The following ZNF625 variants were observed in gnomAD, a reference collection of about 807,000 sequenced individuals.
ZNF625 encodes the protein zinc finger protein 625.
ZNF625 carries 8 observed loss-of-function variants against 11.1 expected under a neutral mutation model. The ratio of observed to expected loss-of-function variants is 0.72; its 90% CI spans 0.42 to 1.30. ZNF625 has a LOEUF of 1.30. ZNF625 is among the 50% of genes most tolerant of loss of function. The pLI, the probability that ZNF625 is intolerant of heterozygous loss-of-function variation, is 0.01. For missense variants in ZNF625, 349 were observed against 447.6 expected, an observed-to-expected ratio of 0.78 and a Z score of 1.99; for synonymous variants, 145 against 153.4, an observed-to-expected ratio of 0.95 and a Z score of 0.41.
In ZNF625 at chr19:12,147,436, C is replaced by A. The variant is rs750256447; in HGVS notation, c.150G>T (p.Gln50His). The A allele has an allele frequency of 4.6e-6, 7 of 1,532,492 alleles. No individual in the cohort carries two copies. In the South Asian group the frequency reaches 7.4e-5, roughly 16 times the overall value. The allele number at this position is 1,532,492 out of a possible 1,614,324, so 94.9% of individuals were successfully genotyped here. A position where few individuals can be genotyped will look rare whatever the true frequency, so the allele number is the denominator to read the frequency against. The change falls in exon 3 of 4, where the codon CAG becomes CAT. Residue 50 changes from glutamine (Q) to histidine (H), a missense_variant. Transcript: ENST00000439556. ...GATTTTTGTACTCATCTTCAATTTTCTGATCTTTCCATTTTTTTCCTAAAA... is the reference window on the plus strand; with the variant it reads ...GATTTTTGTACTCATCTTCAATTTTATGATCTTTCCATTTTTTTCCTAAAA... ...LASVGKKWKD[Q>H]KIEDEYKNPR...
At position 12,145,571 on chromosome 19, in the gene ZNF625, T is replaced by C; in HGVS notation, c.845A>G (p.Lys282Arg). ...EKPYECKQCG[K>R]AFVSFNSVRY... The stretch of plus-strand genomic sequence containing the variant: ...AACGGAATTGAAAGAAACAAAGGCT[T>C]TCCCACACTGTTTACATTCATACGG... Residue 282 changes from lysine to arginine, a missense_variant, in exon 4 of 4, where the codon AAA becomes AGA. Lys to Arg is a conservative substitution (Grantham distance 26). Transcript: ENST00000439556. 1 of 1,610,276 alleles carries C rather than the reference T, an allele frequency of 6.2e-7. No individual in the cohort carries two copies. Among genetic ancestry groups the C allele is most frequent in the Non-Finnish European group, 8.5e-7 (1 of 1,176,560 alleles).
chr19:12,156,494 G>T (rs576029887), intron 1 of ZNF625, 62 bp downstream of exon 1: 8 of 1,363,276 alleles, frequency 5.9e-6, no homozygotes, highest in Non-Finnish European at 7.6e-6. Context: ...TGCTAGAGCC[G>T]GTTCGAGCCG....
chr19:12,149,166 TC>T (rs1050194428), intron 1 of ZNF625, among the ~76,000 whole-genome samples: 1 of 150,146 alleles, frequency 6.7e-6, no homozygotes, highest in African/African-American at 2.5e-5. Context: ...ATGCCTGTAA[TC>T]CCAGCTACTC....
At position 12,145,971 on chromosome 19, in the gene ZNF625, AG is replaced by A; in HGVS notation, c.444del (p.Tyr149ThrfsTer35). The A allele has an allele frequency of 6.2e-7, 1 of 1,614,184 alleles. No individual in the cohort carries two copies. The highest frequency in any genetic ancestry group is 8.5e-7 in the Non-Finnish European group (1 of 1,180,034). On this transcript the variant is annotated frameshift_variant, in exon 4 of 4. Coordinates refer to ENST00000439556, the MANE Select transcript of ZNF625 (RefSeq NM_145233.4). LOFTEE classifies it low-confidence loss of function (END_TRUNC). ...TYCKKAFSDL[P>X]YFRTHEWAHT... ...TGAGCCCATTCATGTGTTCGAAAGT[AG>A]GGGAGATCACTGAAGGCTTTCTTAC...
chr19:12,155,429 A>C (rs1977013171), intron 1 of ZNF625, among the ~76,000 whole-genome samples: 1 of 152,030 alleles, frequency 6.6e-6, no homozygotes, highest in African/African-American at 2.4e-5. Context: ...ACCCCTTTCA[A>C]ATTTTAGACA....
At chr19:12,155,690 A>G (rs919207018) in intron 1 of ZNF625, among the ~76,000 whole-genome samples, 1 of 152,180 alleles carries the variant, frequency 6.6e-6, no homozygotes, top group African/African-American at 2.4e-5. Flanking sequence ...ACATAGTTCA[A>G]GTTATTTTGC....
In ZNF625 at chr19:12,146,177, T is replaced by G. The variant is rs1288362096; in HGVS notation, c.239A>C (p.His80Pro). The G allele has an allele frequency of 6.2e-7, 1 of 1,614,098 alleles. No homozygotes were observed. The highest frequency in any genetic ancestry group is 1.3e-5 in the African/African-American group (1 of 74,942). ...TGGAACCTGGGTCAAAATTTCTCCA[T>G]GCTGATGATCTTTCTTACTTTCTAA... ...RLLESKKDHQ[H>P]GEILTQVPDD... The change falls in exon 4 of 4, where the codon CAT (histidine) becomes CCT (proline). Residue 80 changes from histidine to proline, a missense_variant. Physicochemically the swap from His to Pro is moderately conservative, Grantham distance 77. Coordinates refer to ENST00000439556, the MANE Select transcript of ZNF625 (RefSeq NM_145233.4).
chr19:12,145,518 C>T lies in ZNF625; in HGVS notation c.898G>A (p.Glu300Lys). The T allele has an allele frequency of 6.2e-7, 1 of 1,609,974 alleles. No homozygotes were observed. Among genetic ancestry groups the T allele is most frequent in the South Asian group, 1.1e-5 (1 of 90,938 alleles). Residue 300 changes from glutamate (E) to lysine (K), a missense_variant, in exon 4 of 4, where the codon GAG (glutamate) becomes AAG (lysine). Physicochemically the swap from Glu to Lys is moderately conservative, Grantham distance 56. Coordinates refer to ENST00000439556, the MANE Select transcript of ZNF625 (RefSeq NM_145233.4). ...CATTGCTTACATTCATAGGGCTTCTCTCCAGTGTGAGTTCTTTCATGATAT... is the reference window on the plus strand; with the variant it reads ...CATTGCTTACATTCATAGGGCTTCTTTCCAGTGTGAGTTCTTTCATGATAT... The part of the protein sequence containing the change: ...VRYHERTHTG[E>K]KPYECKQCGK...
Position 12,154,991 on chromosome 19 carries a change from G to A in ZNF625, c.3+1565C>T, listed in dbSNP as rs140246392. 1.2e-4 allele frequency among the ~76,000 whole-genome samples: 19 copies of A among 152,152 alleles called. No homozygotes were observed. The East Asian group carries it at 2.9e-3, about 23-fold the overall frequency. On this transcript the variant is annotated intron_variant, in intron 1 of 3. Transcript: ENST00000439556. ...AGCACTTTGGGAGGCGGAGGGAGGC[G>A]GAGGCAGGCGGATTATTTGAGGTCA...
chr19:12,152,796 C>T (rs1357579219), intron 1 of ZNF625, among the ~76,000 whole-genome samples: 1 of 151,648 alleles, frequency 6.6e-6, no homozygotes, highest in Non-Finnish European at 1.5e-5. Context: ...GGGCCGAGAT[C>T]ATGCCATTGC....
intron 3 of ZNF625, 95 bp downstream of exon 3, chr19:12,147,300 A>C: frequency 8.8e-7 from 1 of 1,142,556 alleles, no homozygotes; most frequent in East Asian, 2.6e-5. Context: ...AATACAGTGG[A>C]ACTTGGCTTA....
At chr19:12,154,098 C>T (rs956649882) in intron 1 of ZNF625, among the ~76,000 whole-genome samples, 6 of 152,234 alleles carry the variant, frequency 3.9e-5, no homozygotes, top group Admixed American at 3.3e-4. Context: ...TGAGCCACCC[C>T]GCCCAGCCCT....
Position 12,145,265 on chromosome 19 carries a change from G to A in ZNF625, c.*32C>T. Reference sequence around the variant, plus strand: ...AGGGAAACACATTTTTACCATGATTGGATTCGGTGGCTTCTAGGAATCTTA... The same window carrying A: ...AGGGAAACACATTTTTACCATGATTAGATTCGGTGGCTTCTAGGAATCTTA... On this transcript the variant is annotated 3_prime_UTR_variant, in exon 4 of 4. Transcript: ENST00000439556. The A allele has an allele frequency of 3.9e-6, 6 of 1,545,238 alleles. No homozygotes were observed. Among genetic ancestry groups the A allele is most frequent in the Non-Finnish European group, 5.2e-6 (6 of 1,146,128 alleles).
chr19:12,156,485 G>C lies in ZNF625; in HGVS notation c.3+71C>G, dbSNP rs1977028954. 8 of 1,332,530 alleles carry C rather than the reference G, an allele frequency of 6.0e-6. No individual in the cohort carries two copies. In the South Asian group the frequency reaches 1.4e-4, roughly 23 times the overall value. 82.5% of individuals were successfully genotyped at this position (1,332,530 alleles called of 1,614,324 possible). ...GTCGCTGCAGGAAGGCCTGGGTCCTGCTAGAGCCGGTTCGAGCCGGTTCCT... is the reference window on the plus strand; with the variant it reads ...GTCGCTGCAGGAAGGCCTGGGTCCTCCTAGAGCCGGTTCGAGCCGGTTCCT... On this transcript the variant is annotated intron_variant, in intron 1 of 3. Transcript: ENST00000439556.
In ZNF625 at chr19:12,156,550, ACT is replaced by A; in HGVS notation, c.3+4_3+5del. On this transcript the variant is annotated splice_donor_5th_base_variant and intron_variant, in intron 1 of 3. Transcript: ENST00000439556. ...CGTCTCGGGACCCCCGGCCCCGCAC[ACT>A]CACCATTTCCCGGCTTCCAGGTGTC... 7.0e-7 allele frequency: 1 copy of A among 1,424,020 alleles called. No homozygotes were observed. Among genetic ancestry groups the A allele is most frequent in the Non-Finnish European group, 9.2e-7 (1 of 1,086,970 alleles). 88.2% of individuals were successfully genotyped at this position (1,424,020 alleles called of 1,614,324 possible). A position where few individuals can be genotyped will look rare whatever the true frequency, so the allele number is the denominator to read the frequency against.
chr19:12,155,046 T>G (rs1977007727), intron 1 of ZNF625, among the ~76,000 whole-genome samples: 1 of 151,944 alleles, frequency 6.6e-6, no homozygotes, highest in African/African-American at 2.4e-5. Context: ...GCCAACATGG[T>G]GAAACCCCAT....
At position 12,145,340 on chromosome 19, in the gene ZNF625, C is replaced by T. The variant is rs769923652; in HGVS notation, c.1076G>A (p.Cys359Tyr). 4.3e-6 allele frequency: 7 copies of T among 1,613,840 alleles called. No homozygotes were observed. Among genetic ancestry groups the T allele is most frequent in the Non-Finnish European group, 5.9e-6 (7 of 1,179,926 alleles). Residue 359 changes from cysteine (C) to tyrosine (Y), a missense_variant, in exon 4 of 4, where the codon TGT (cysteine) becomes TAT (tyrosine). Transcript: ENST00000439556. ...TTGGCCTTTCGAAGTGTTGGAGCTA[C>T]AGGGTTTTTCTCCAGTGTGAGTCCT... Reference protein sequence around the residue: ...HERTHTGEKPCSSNTSKGQGE... With the variant: ...HERTHTGEKPYSSNTSKGQGE...
chr19:12,150,766 A>G (rs529232273), intron 1 of ZNF625, among the ~76,000 whole-genome samples: 3 of 152,118 alleles, frequency 2.0e-5, no homozygotes, highest in African/African-American at 7.3e-5. Context: ...GTGGGAAGGA[A>G]GGAGGGTGTC....
rs115447016 is a variant in ZNF625 at position 12,145,324 on chromosome 19, C to T, written c.1092G>A (p.Ser364=). 88 of 1,611,374 alleles carry T rather than the reference C, an allele frequency of 5.5e-5. No individual in the cohort carries two copies. Among genetic ancestry groups the T allele is most frequent in the Middle Eastern group, 1.6e-4 (1 of 6,064 alleles). Residue 364 remains serine, a synonymous_variant, in exon 4 of 4, where the codon TCG becomes TCA. Transcript: ENST00000439556. ...AAGCAATCTTCTCGCCTTGGCCTTTCGAAGTGTTGGAGCTACAGGGTTTTT... is the reference window on the plus strand; with the variant it reads ...AAGCAATCTTCTCGCCTTGGCCTTTTGAAGTGTTGGAGCTACAGGGTTTTT... ...TGEKPCSSNT[S]KGQGEKIA is the part of the protein sequence containing the mutation.
Sources: allele counts gnomAD v4.1 joint callset (sites outside exome capture counted in the v4.1 genomes callset), GRCh38; gene constraint gnomAD v4.1.1; transcripts MANE v1.5; gene names NCBI Gene and HGNC (gene_info 2026-07-23, HGNC 2026-07-21).